TMTC4: variants seen among roughly 807,000 people sequenced by gnomAD.
TMTC4 encodes the protein transmembrane O-mannosyltransferase targeting cadherins 4.
TMTC4 carries 65 observed loss-of-function variants against 86.0 expected under a neutral mutation model. The ratio of observed to expected loss-of-function variants is 0.76; its 90% CI spans 0.62 to 0.93. The LOEUF (loss-of-function observed/expected upper bound fraction) is 0.93, where lower values mean the gene tolerates loss of function less well. Ranked by LOEUF, TMTC4 falls within the 40% of genes least tolerant of loss-of-function variation. The pLI is 0.00. For missense variants in TMTC4, 866 were observed against 948.1 expected (o/e 0.91, Z 1.14); for synonymous variants, 379 against 382.5 (o/e 0.99, Z 0.11).
At position 100,637,621 on chromosome 13, in the gene TMTC4, G is replaced by C. The variant is rs141063052; in HGVS notation, c.916C>G (p.Arg306Gly). The C allele has an allele frequency of 3.1e-6, 5 of 1,614,044 alleles. No individual in the cohort carries two copies. The highest frequency in any genetic ancestry group is 2.7e-5 in the African/African-American group (2 of 74,920). ...GGGCCCGTGCCCATGATCCTCCAGC[G>C]CACGTAGAGCATCCCAGCCCCTCCA... Reference protein sequence around the residue: ...TSGGAGMLYVRWRIMGTGPPA... With the variant: ...TSGGAGMLYVGWRIMGTGPPA... Residue 306 changes from arginine to glycine, a missense_variant, in exon 9 of 19, where the codon CGC becomes GGC. Arg to Gly is a moderately radical substitution (Grantham distance 125). Coordinates refer to ENST00000342624, the MANE Select transcript of TMTC4 (RefSeq NM_032813.5).
upstream of TMTC4, chr13:100,674,843 G>GCCGCGCCCCCGACCCCCCC (rs1887658591): frequency 1.0e-6 from 1 of 972,374 alleles, no homozygotes. Flanking sequence ...GGGGCCGCCC[G>GCCGCGCCCCCGACCCCCCC]CCGCGCACCC....
rs1368412959 is a variant in TMTC4, at chr13:100,605,475, G to A, written c.2135-333C>T. Reference sequence around the variant, plus strand: ...TTTCCAGGAAGCAAGGCTGGGTATGGGAGGTGGGGGTGATGGATGCTAGGC... The same window carrying A: ...TTTCCAGGAAGCAAGGCTGGGTATGAGAGGTGGGGGTGATGGATGCTAGGC... On this transcript the variant is annotated intron_variant, in intron 18 of 18. Transcript: ENST00000342624. The surrounding 1 kb of genome is among the most constrained non-coding windows in gnomAD (Gnocchi z 4.3). Among the ~76,000 whole-genome samples the A allele has an allele frequency of 3.3e-5, 5 of 152,184 alleles. No homozygotes were observed. Among genetic ancestry groups the A allele is most frequent in the Non-Finnish European group, 7.3e-5 (5 of 68,036 alleles).
chr13:100,629,567 T>C (rs1007240398), intron 12 of TMTC4, among the ~76,000 whole-genome samples: 2 of 152,132 alleles, frequency 1.3e-5, no homozygotes, highest in Admixed American at 6.5e-5. Context: ...TTGATTACAG[T>C]GCTGGGGGAA....
intron 17 of TMTC4, among the ~76,000 whole-genome samples, chr13:100,607,615 A>T (rs1012577926): frequency 6.7e-6 from 1 of 149,716 alleles, no homozygotes; most frequent in Non-Finnish European, 1.5e-5. Flanking sequence ...TCATACATGA[A>T]TTTTTTCCAG....
rs754942598 is a variant in TMTC4 at position 100,612,387 on chromosome 13, G to A, written c.2064+11C>T. On this transcript the variant is annotated intron_variant, in intron 17 of 18. Coordinates refer to ENST00000342624, the MANE Select transcript of TMTC4 (RefSeq NM_032813.5). Reference sequence around the variant, plus strand: ...CTAACTGCAAGAACTCACAGCCTGCGGTTTACGCACCTTGTATTTCTGGGA... The same window carrying A: ...CTAACTGCAAGAACTCACAGCCTGCAGTTTACGCACCTTGTATTTCTGGGA... 12 of 1,586,054 alleles carry A rather than the reference G, an allele frequency of 7.6e-6. No homozygotes were observed. The highest frequency in any genetic ancestry group is 2.7e-5 in the African/African-American group (2 of 73,688).
chr13:100,652,186 C>A (rs1030190173), intron 6 of TMTC4, among the ~76,000 whole-genome samples: 4 of 151,094 alleles, frequency 2.6e-5, no homozygotes, highest in East Asian at 2.0e-4. Flanking sequence ...AACAAACAAA[C>A]AAAAAAACCA....
Position 100,670,691 on chromosome 13 carries a change from G to C in TMTC4, c.-207-122C>G, listed in dbSNP as rs750409578. ...AGGCTGGTTGCAATGGCTCACGCCT[G>C]TAATCCCAGCACTTTGGGAGGCCGA... On this transcript the variant is annotated intron_variant, in intron 1 of 18. Coordinates refer to ENST00000342624, the MANE Select transcript of TMTC4 (RefSeq NM_032813.5). 6 of 278,052 alleles carry C rather than the reference G, an allele frequency of 2.2e-5. No homozygotes were observed. In the South Asian group the frequency reaches 5.5e-4, roughly 26 times the overall value. 17.2% of individuals were successfully genotyped at this position (278,052 alleles called of 1,614,324 possible). A position where few individuals can be genotyped will look rare whatever the true frequency, so the allele number is the denominator to read the frequency against.
chr13:100,619,172 AC>A (rs984854280), intron 15 of TMTC4, among the ~76,000 whole-genome samples: 3 of 112,754 alleles, frequency 2.7e-5, no homozygotes, highest in African/African-American at 3.5e-5. Flanking sequence ...CGGGGGGCTG[AC>A]CCCCCCACCT....
At chr13:100,652,579 A>G (rs1247021044) in intron 6 of TMTC4, among the ~76,000 whole-genome samples, 2 of 152,164 alleles carry the variant, frequency 1.3e-5, no homozygotes, top group Non-Finnish European at 2.9e-5. Context: ...ATACACCTGA[A>G]TTTTCATTAG....
chr13:100,607,159 C>T (rs1263601747), intron 17 of TMTC4, among the ~76,000 whole-genome samples: 1 of 152,188 alleles, frequency 6.6e-6, no homozygotes, highest in East Asian at 1.9e-4. Flanking sequence ...TTTTTATTGA[C>T]ATGTGCCCTG....
chr13:100,603,906 G>A lies in TMTC4; in HGVS notation c.*1088C>T, dbSNP rs114628623. ...CAAAGTTCACTACTTGAAAATAATT[G>A]ATTAAGAAGGCAATATGACATTTTC... is the stretch of plus-strand genomic sequence containing the variant. On this transcript the variant is annotated 3_prime_UTR_variant, in exon 19 of 19. Transcript: ENST00000342624. 17 of 152,486 alleles carry A rather than the reference G, an allele frequency of 1.1e-4. No individual in the cohort carries two copies. Among genetic ancestry groups the A allele is most frequent in the Non-Finnish European group, 2.2e-4 (15 of 68,042 alleles). 9.4% of individuals were successfully genotyped at this position (152,486 alleles called of 1,614,324 possible). A position where few individuals can be genotyped will look rare whatever the true frequency, so the allele number is the denominator to read the frequency against.
At chr13:100,668,477 G>T in intron 3 of TMTC4, 102 bp downstream of exon 3, 1 of 1,254,058 alleles carries the variant, frequency 8.0e-7, no homozygotes, top group Non-Finnish European at 1.1e-6. Context: ...CCAGGCCAAT[G>T]CTTAACCTAC....
At chr13:100,636,500 C>G in intron 10 of TMTC4, 32 bp downstream of exon 10, 9 of 1,612,474 alleles carry the variant, frequency 5.6e-6, no homozygotes, top group Non-Finnish European at 7.6e-6. Flanking sequence ...ACTCAACCAG[C>G]GTGGAACTTA....
chr13:100,618,406 C>T (rs1878855612), intron 15 of TMTC4, among the ~76,000 whole-genome samples: 1 of 149,254 alleles, frequency 6.7e-6, no homozygotes, highest in Non-Finnish European at 1.5e-5. Flanking sequence ...GCATCCTTGC[C>T]TGGTTCCATT....
chr13:100,668,725 T>C lies in TMTC4; in HGVS notation c.73A>G (p.Thr25Ala), dbSNP rs61746911. 4,192 of 1,614,240 alleles carry C rather than the reference T, an allele frequency of 2.6e-3. 62 individuals carry two copies. In the East Asian group the frequency reaches 0.03, roughly 11 times the overall value. ...GATGGAAGAATGTGATCCAAATCAGTGTCCAACACGGCCATTCTGAAAACT... is the reference window on the plus strand; with the variant it reads ...GATGGAAGAATGTGATCCAAATCAGCGTCCAACACGGCCATTCTGAAAACT... ...PAVFRMAVLD[T>A]DLDHILPSSV... is the part of the protein sequence containing the mutation. Residue 25 changes from threonine to alanine, a missense_variant, in exon 3 of 19, where the codon ACT (threonine) becomes GCT (alanine). Transcript: ENST00000342624.
intron 16 of TMTC4, among the ~76,000 whole-genome samples, chr13:100,612,869 T>C (rs1877864971): frequency 6.6e-6 from 1 of 152,230 alleles, no homozygotes; most frequent in Non-Finnish European, 1.5e-5. Context: ...CTTTCATAAC[T>C]GAGAATTTAT....
chr13:100,674,064 G>C (rs1317773581), intron 1 of TMTC4: 1 of 985,062 alleles, frequency 1.0e-6, no homozygotes, highest in Non-Finnish European at 1.2e-6. Flanking sequence ...ACATCAACAA[G>C]ACCAGAAGCC....
chr13:100,664,081 A>G (rs1886118342), intron 4 of TMTC4, 140 bp downstream of exon 4: 2 of 568,020 alleles, frequency 3.5e-6, no homozygotes, highest in South Asian at 5.9e-5. Context: ...CTAGAGACCC[A>G]TGTATATGAG....
chr13:100,625,729 CG>C, intron 14 of TMTC4, 53 bp from the exon 15 acceptor site: 1 of 1,609,002 alleles, frequency 6.2e-7, no homozygotes, highest in East Asian at 2.2e-5. Context: ...GCTTAGATGC[CG>C]GAATGCAGGA....
Sources: gnomAD v4.1 joint callset for allele counts (sites outside exome capture counted in the v4.1 genomes callset) on GRCh38, gnomAD v4.1.1 for gene constraint, Gnocchi (gnomAD v3.1) non-coding constraint, MANE v1.5 for transcripts, NCBI Gene and HGNC (gene_info 2026-07-23, HGNC 2026-07-21) for gene names.